The following BCKDHB variants were observed in gnomAD, a reference collection of about 807,000 sequenced individuals.
BCKDHB encodes 2-oxoisovalerate dehydrogenase subunit beta, mitochondrial.
In BCKDHB, 41 loss-of-function variants were observed where a neutral mutation model predicts 48.5. The observed-to-expected ratio is 0.85, with a 90% confidence interval of 0.66 to 1.10. The LOEUF (loss-of-function observed/expected upper bound fraction) is 1.10, where lower values mean the gene tolerates loss of function less well. Among genes scored for constraint, BCKDHB ranks in the 50% least tolerant of loss-of-function variants. BCKDHB has a pLI of 0.00. For synonymous variants in BCKDHB, 201 were observed against 174.8 expected, an observed-to-expected ratio of 1.15 and a Z score of -1.18; for missense variants, 496 against 494.2, an observed-to-expected ratio of 1.00 and a Z score of -0.03.
the BCKDHB span, among the ~76,000 whole-genome samples, chr6:80,376,763 A>G: frequency 1.3e-5 from 2 of 152,226 alleles, no homozygotes; most frequent in Non-Finnish European, 2.9e-5. Context: ...TGGGCAGATT[A>G]TAAGAAAACT....
chr6:80,454,745 C>T, the BCKDHB span, among the ~76,000 whole-genome samples: 1 of 152,082 alleles, frequency 6.6e-6, no homozygotes, highest in African/African-American at 2.4e-5. Flanking sequence ...GTAGGCAAGA[C>T]CACACAGAAT....
intron 9 of BCKDHB, among the ~76,000 whole-genome samples, chr6:80,323,780 T>A (rs1429058043): frequency 6.6e-6 from 1 of 152,152 alleles, no homozygotes; most frequent in East Asian, 1.9e-4. Flanking sequence ...AAAGCAAAAT[T>A]ATTATTATTT....
chr6:80,406,655 T>C, the BCKDHB span, among the ~76,000 whole-genome samples: 4 of 152,248 alleles, frequency 2.6e-5, no homozygotes, highest in Non-Finnish European at 5.9e-5. Context: ...AAATGTCTTC[T>C]TTTGAGAAAT....
At chr6:80,221,079 T>C (rs1775429101) in intron 8 of BCKDHB, among the ~76,000 whole-genome samples, 3 of 151,960 alleles carry the variant, frequency 2.0e-5, no homozygotes, top group Admixed American at 2.0e-4. Context: ...TGGGTTTTAT[T>C]TGGGGGAAGT....
chr6:80,339,555 A>G (rs957533887), intron 9 of BCKDHB, among the ~76,000 whole-genome samples: 2 of 152,190 alleles, frequency 1.3e-5, no homozygotes, highest in Admixed American at 1.3e-4. Context: ...GTGCATAGCA[A>G]TCCAGATGGC....
In BCKDHB at chr6:80,343,647, C is replaced by A. The variant is rs1031347999; in HGVS notation, c.1039-17C>A. On this transcript the variant is annotated splice_polypyrimidine_tract_variant and intron_variant, in intron 9 of 9. Coordinates refer to ENST00000320393, the MANE Select transcript of BCKDHB (RefSeq NM_183050.4). Reference sequence around the variant, plus strand: ...AAAAAAAATTCTTGAAGTTAAGCATCCTGACTCTGTCTGCAGGAGGAATGT... The same window carrying A: ...AAAAAAAATTCTTGAAGTTAAGCATACTGACTCTGTCTGCAGGAGGAATGT... 1.2e-5 allele frequency: 19 copies of A among 1,613,722 alleles called. No homozygotes were observed. The highest frequency in any genetic ancestry group is 1.5e-5 in the Non-Finnish European group (18 of 1,179,916).
intron 9 of BCKDHB, among the ~76,000 whole-genome samples, chr6:80,273,977 C>G (rs895577597): frequency 1.3e-5 from 2 of 151,950 alleles, no homozygotes; most frequent in African/African-American, 4.8e-5. Context: ...CTTTTAAATT[C>G]AGAATATCTT....
intron 8 of BCKDHB, among the ~76,000 whole-genome samples, chr6:80,228,036 A>T (rs1046748245): frequency 6.6e-6 from 1 of 152,192 alleles, no homozygotes; most frequent in Non-Finnish European, 1.5e-5. Context: ...TCTTCCAAAT[A>T]ACTTATAATA....
chr6:80,365,608 G>A, the BCKDHB span, among the ~76,000 whole-genome samples: 8 of 152,022 alleles, frequency 5.3e-5, no homozygotes, highest in African/African-American at 1.9e-4. Flanking sequence ...AAAAATTGCT[G>A]TTATTCTATT....
chr6:80,116,934 C>T (rs1769738251), intron 1 of BCKDHB, among the ~76,000 whole-genome samples: 1 of 152,078 alleles, frequency 6.6e-6, no homozygotes. Flanking sequence ...CTATGGCAGA[C>T]ATAAGCATAG....
chr6:80,287,426 TA>T (rs11344010), intron 9 of BCKDHB, among the ~76,000 whole-genome samples: 120,620 of 151,278 alleles, frequency 0.8, 48,274 homozygotes, highest in Admixed American at 0.87. Flanking sequence ...CTGAGAACTT[TA>T]AAAAAGATCA....
rs115521160 is a variant in BCKDHB at position 80,286,175 on chromosome 6, C to T, written c.1038+12954C>T. Among the ~76,000 whole-genome samples the T allele has an allele frequency of 6.1e-3, 925 of 152,022 alleles. 9 individuals carry two copies. Among genetic ancestry groups the T allele is most frequent in the African/African-American group, 0.021 (889 of 41,476 alleles). On this transcript the variant is annotated intron_variant, in intron 9 of 9. Transcript: ENST00000320393. ...TACTAGAAGATATTTGGGCGATCAG[C>T]ACAATACATAATTAAGAAAGAGATT...
the BCKDHB span, among the ~76,000 whole-genome samples, chr6:80,433,456 T>G: frequency 6.6e-6 from 1 of 152,178 alleles, no homozygotes; most frequent in East Asian, 1.9e-4. Context: ...TTGTTTATAC[T>G]GTAAGGGGAA....
chr6:80,419,407 G>A, the BCKDHB span, among the ~76,000 whole-genome samples: 3 of 152,116 alleles, frequency 2.0e-5, no homozygotes, highest in African/African-American at 4.8e-5. Context: ...AGGAGAGACC[G>A]GCAGACCAAG....
At chr6:80,454,909 C>T in the BCKDHB span, among the ~76,000 whole-genome samples, 1 of 152,152 alleles carries the variant, frequency 6.6e-6, no homozygotes, top group African/African-American at 2.4e-5. Context: ...CATACATTTG[C>T]CTATCAATTT....
At chr6:80,421,203 C>T in the BCKDHB span, among the ~76,000 whole-genome samples, 3 of 152,080 alleles carry the variant, frequency 2.0e-5, no homozygotes, top group Non-Finnish European at 4.4e-5. Context: ...GTGGCAGTTT[C>T]CCTTGTGTGC....
chr6:80,305,341 C>A (rs1257512468), intron 9 of BCKDHB, among the ~76,000 whole-genome samples: 8 of 151,532 alleles, frequency 5.3e-5, no homozygotes, highest in African/African-American at 1.9e-4. Context: ...AGATTCATTG[C>A]AATATAAGTT....
At chr6:80,149,157 G>A (rs189562318) in intron 3 of BCKDHB, among the ~76,000 whole-genome samples, 5,467 of 152,142 alleles carry the variant, frequency 0.036, 314 homozygotes, top group African/African-American at 0.12. Context: ...AAAAGTGGGC[G>A]AAGGACATGA....
At chr6:80,212,843 T>C (rs1775000567) in intron 8 of BCKDHB, among the ~76,000 whole-genome samples, 2 of 152,198 alleles carry the variant, frequency 1.3e-5, no homozygotes, top group African/African-American at 2.4e-5. Context: ...GACCAGCTTA[T>C]GTGATACTGA....
Sources: gnomAD v4.1 joint callset for allele counts (sites outside exome capture counted in the v4.1 genomes callset) on GRCh38, gnomAD v4.1.1 for gene constraint, MANE v1.5 for transcripts, NCBI Gene and HGNC (gene_info 2026-07-23, HGNC 2026-07-21) for gene names.